PARG: variants seen among roughly 807,000 people sequenced by gnomAD.
PARG encodes poly(ADP-ribose) glycohydrolase, also known as mitochondrial poly(ADP-ribose) glycohydrolase.
PARG carries 35 observed loss-of-function variants against 113.0 expected under a neutral mutation model. That is an observed-to-expected ratio of 0.31 (90% CI 0.24 to 0.41). The LOEUF is 0.41. Among genes scored for constraint, PARG ranks in the 10% least tolerant of loss-of-function variants. The pLI, the probability that PARG is intolerant of heterozygous loss-of-function variation, is 1.00. For synonymous variants in PARG, 330 were observed against 409.9 expected, an observed-to-expected ratio of 0.81 and a Z score of 2.36; for missense variants, 797 against 1,169.4, an observed-to-expected ratio of 0.68 and a Z score of 4.64.
intron 15 of PARG, among the ~76,000 whole-genome samples, chr10:49,834,391 C>G (rs1844815741): frequency 6.6e-6 from 1 of 152,136 alleles, no homozygotes; most frequent in Admixed American, 6.5e-5. Flanking sequence ...TTCTTTCTTA[C>G]TGCTGTCTCT....
chr10:49,890,679 C>G (rs1357556602), intron 7 of PARG, among the ~76,000 whole-genome samples: 2 of 152,064 alleles, frequency 1.3e-5, no homozygotes, highest in African/African-American at 4.8e-5. Context: ...TAGAAACAAG[C>G]TACTAAAATA....
chr10:49,823,195 C>G (rs917636106), intron 16 of PARG, among the ~76,000 whole-genome samples: 1 of 151,888 alleles, frequency 6.6e-6, no homozygotes, highest in Non-Finnish European at 1.5e-5. Flanking sequence ...GTAAGTTAAG[C>G]TCAAATAATT....
chr10:49,888,235 C>G lies in PARG; in HGVS notation c.1738-2940G>C, dbSNP rs528613201. On this transcript the variant is annotated intron_variant, in intron 7 of 17. Coordinates refer to ENST00000616448, the MANE Select transcript of PARG (RefSeq NM_003631.5). ...TATACTATTTTACAATATTTGAAAACAGTGAAAAAAGTCAAACATAATTTA... is the reference window on the plus strand; with the variant it reads ...TATACTATTTTACAATATTTGAAAAGAGTGAAAAAAGTCAAACATAATTTA... Among the ~76,000 whole-genome samples the G allele has an allele frequency of 2.0e-5, 3 of 151,870 alleles. No individual in the cohort carries two copies. The East Asian group carries it at 5.8e-4, about 29-fold the overall frequency.
At chr10:49,836,065 A>G (rs1399070001) in intron 15 of PARG, among the ~76,000 whole-genome samples, 1 of 152,140 alleles carries the variant, frequency 6.6e-6, no homozygotes, top group Non-Finnish European at 1.5e-5. Flanking sequence ...GTAAAGTGAC[A>G]TGTGCACAGT....
At chr10:49,938,979 T>C (rs1211938000) in intron 1 of PARG, among the ~76,000 whole-genome samples, 24 of 152,134 alleles carry the variant, frequency 1.6e-4, no homozygotes, top group Non-Finnish European at 3.5e-4. Flanking sequence ...CATTTAAACA[T>C]GCGAAATACA....
intron 7 of PARG, among the ~76,000 whole-genome samples, chr10:49,899,371 A>C (rs1848248019): frequency 6.6e-6 from 1 of 152,200 alleles, no homozygotes; most frequent in South Asian, 2.1e-4. Context: ...TCTGTGCACA[A>C]CTCAGGCTGA....
Position 49,920,894 on chromosome 10 carries a change from C to T in PARG, c.1662+1442G>A, listed in dbSNP as rs569704182. Among the ~76,000 whole-genome samples, 6 of 152,146 alleles carry T rather than the reference C, an allele frequency of 3.9e-5. No individual in the cohort carries two copies. In the East Asian group the frequency reaches 1.2e-3, roughly 29 times the overall value. ...GGGAAGGGACTGACTGTACTCATGGCTAACCTGAAATATTAAAATAAGGCT... is the reference window on the plus strand; with the variant it reads ...GGGAAGGGACTGACTGTACTCATGGTTAACCTGAAATATTAAAATAAGGCT... On this transcript the variant is annotated intron_variant, in intron 6 of 17. Coordinates refer to ENST00000616448, the MANE Select transcript of PARG (RefSeq NM_003631.5).
rs180979653 is a variant in PARG, at chr10:49,897,909, T to C, written c.1738-12614A>G. On this transcript the variant is annotated intron_variant, in intron 7 of 17. Coordinates refer to ENST00000616448, the MANE Select transcript of PARG (RefSeq NM_003631.5). ...TGGGTGGCTAAGGCATGAGAATCGC[T>C]TGAGCTCGGGAGGTGGAGGTTGCAG... Among the ~76,000 whole-genome samples the C allele has an allele frequency of 2.6e-3, 393 of 152,226 alleles. 1 individual carries two copies. The highest frequency in any genetic ancestry group is 8.6e-3 in the African/African-American group (358 of 41,532).
chr10:49,820,061 T>C, intron 17 of PARG, 104 bp downstream of exon 17: 1 of 763,026 alleles, frequency 1.3e-6, no homozygotes, highest in Non-Finnish European at 2.2e-6. Flanking sequence ...GCCATGCTTT[T>C]GTTTCTTCGT....
At chr10:49,866,592 AGAG>A (rs782558333) in intron 10 of PARG, among the ~76,000 whole-genome samples, 154 of 151,852 alleles carry the variant, frequency 1.0e-3, no homozygotes, top group Non-Finnish European at 2.0e-3. Context: ...GTAACTTAGC[AGAG>A]AAGAACATCA....
chr10:49,838,431 C>CA (rs782657099), intron 15 of PARG, among the ~76,000 whole-genome samples: 2,283 of 40,134 alleles, frequency 0.057, 182 homozygotes, highest in African/African-American at 0.14. Context: ...AACTCCGTCT[C>CA]AAAAAAAAAA....
chr10:49,878,592 T>C (rs1299768279), intron 9 of PARG, among the ~76,000 whole-genome samples: 1 of 137,438 alleles, frequency 7.3e-6, no homozygotes, highest in Non-Finnish European at 1.6e-5. Context: ...CACTCCAGCC[T>C]GGGCAACAGA....
chr10:49,923,311 T>G (rs1407614966), intron 4 of PARG, among the ~76,000 whole-genome samples: 1 of 152,078 alleles, frequency 6.6e-6, no homozygotes, highest in Admixed American at 6.5e-5. Flanking sequence ...ATTTATCTTG[T>G]TTTGTTAGAT....
chr10:49,826,085 T>A (rs1438117474), intron 16 of PARG, among the ~76,000 whole-genome samples: 1 of 152,200 alleles, frequency 6.6e-6, no homozygotes, highest in East Asian at 1.9e-4. Flanking sequence ...TTGGAGCATT[T>A]TGAATTTTGG....
At chr10:49,940,987 C>T (rs1280230988) in intron 1 of PARG, among the ~76,000 whole-genome samples, 1 of 152,208 alleles carries the variant, frequency 6.6e-6, no homozygotes, top group African/African-American at 2.4e-5. Flanking sequence ...ACATCCATTA[C>T]CTTTTATTAT....
chr10:49,843,432 TTTC>T (rs1397742274), intron 14 of PARG, 119 bp downstream of exon 14: 2 of 692,660 alleles, frequency 2.9e-6, no homozygotes, highest in African/African-American at 3.6e-5. Flanking sequence ...GCTGATTTCT[TTTC>T]TTTTTTCTTT....
intron 8 of PARG, among the ~76,000 whole-genome samples, chr10:49,882,463 G>C (rs1476004793): frequency 6.6e-6 from 1 of 151,912 alleles, no homozygotes; most frequent in Non-Finnish European, 1.5e-5. Flanking sequence ...TTTTCAATAG[G>C]GGGCAAAGCA....
At chr10:49,936,020 A>C (rs1333759520) in intron 1 of PARG, among the ~76,000 whole-genome samples, 7 of 152,198 alleles carry the variant, frequency 4.6e-5, no homozygotes, top group African/African-American at 1.4e-4. Context: ...CTACTAGTCC[A>C]GGTCAGTGGT....
intron 13 of PARG, among the ~76,000 whole-genome samples, chr10:49,850,736 C>A (rs1312755231): frequency 6.6e-6 from 1 of 152,100 alleles, no homozygotes; most frequent in Non-Finnish European, 1.5e-5. Context: ...CATGTTTCTA[C>A]TTCATGTTAA....
Sources: gnomAD v4.1 joint callset for allele counts (sites outside exome capture counted in the v4.1 genomes callset) on GRCh38, gnomAD v4.1.1 for gene constraint, MANE v1.5 for transcripts, NCBI Gene and HGNC (gene_info 2026-07-23, HGNC 2026-07-21) for gene names.